The following CD99L2 variants were observed in gnomAD, a reference collection of about 807,000 sequenced individuals.
CD99L2 encodes the protein CD99 molecule like 2, also known as CD99 antigen-like protein 2.
CD99L2 carries 24 observed loss-of-function variants against 27.3 expected under a neutral mutation model. The ratio of observed to expected loss-of-function variants is 0.88; its 90% CI spans 0.64 to 1.24. The LOEUF (loss-of-function observed/expected upper bound fraction) is 1.24. CD99L2 is among the 50% of genes most tolerant of loss of function. The pLI is 0.00. For synonymous variants in CD99L2, 97 were observed against 87.9 expected, an observed-to-expected ratio of 1.10 and a Z score of -0.58; for missense variants, 255 against 221.6, an observed-to-expected ratio of 1.15 and a Z score of -0.96.
At chrX:150,829,640 T>G (rs981235550) in intron 2 of CD99L2, 1 of 248,413 alleles carries the variant, frequency 4.0e-6, no homozygotes, top group African/African-American at 2.9e-5. Flanking sequence ...TCTCTAAGGA[T>G]TTCAATACAC....
chrX:150,849,330 T>C (rs1370606220), intron 1 of CD99L2, among the ~76,000 whole-genome samples: 5 of 111,252 alleles, frequency 4.5e-5, no homozygotes, highest in East Asian at 2.8e-4. Context: ...GGCAGGATGA[T>C]TGCTTGAGCC....
chrX:150,795,442 T>C lies in CD99L2; in HGVS notation c.322A>G (p.Thr108Ala), dbSNP rs184892069. 1.3e-4 allele frequency: 162 copies of C among 1,209,593 alleles called. 1 individual carries two copies. In the Admixed American group the frequency reaches 3.2e-3, roughly 24 times the overall value. The change falls in exon 5 of 11, where the codon ACC (threonine) becomes GCC (alanine). Residue 108 changes from threonine to alanine, a missense_variant. Physicochemically the swap from Thr to Ala is moderately conservative, Grantham distance 58. Transcript: ENST00000370377. ...VTTTTKRPVT[T>A]RAPANTLGND... is the part of the protein sequence containing the mutation. The stretch of plus-strand genomic sequence containing the variant: ...CCTAAAGTATTTGCTGGAGCTCTGG[T>C]GGTTACTGGCCTCTTGGTCGTGGTG...
intron 1 of CD99L2, among the ~76,000 whole-genome samples, chrX:150,838,753 C>T (rs191618618): frequency 1.8e-3 from 192 of 107,663 alleles, no homozygotes; most frequent in African/African-American, 5.8e-3. Context: ...TGGGGTCTCA[C>T]TATGTTGCCT....
chrX:150,807,967 T>A (rs1242953496), intron 4 of CD99L2, among the ~76,000 whole-genome samples: 2 of 112,639 alleles, frequency 1.8e-5, no homozygotes, highest in Non-Finnish European at 3.8e-5. Context: ...AAACATCATT[T>A]AAAATGTACC....
intron 1 of CD99L2, among the ~76,000 whole-genome samples, chrX:150,898,133 C>T (rs1321888252): frequency 2.9e-5 from 3 of 104,054 alleles, no homozygotes. Flanking sequence ...GGAAGTTCCC[C>T]AGGTGCTTCT....
At chrX:150,824,512 G>GAAGAAA (rs2046326100) in intron 2 of CD99L2, among the ~76,000 whole-genome samples, 1 of 81,096 alleles carries the variant, frequency 1.2e-5, no homozygotes, top group African/African-American at 4.7e-5. Flanking sequence ...AGAAGAAGAA[G>GAAGAAA]GAAGGAAGAA....
intron 4 of CD99L2, among the ~76,000 whole-genome samples, chrX:150,811,373 T>C (rs1007243806): frequency 9.0e-6 from 1 of 111,304 alleles, no homozygotes; most frequent in Admixed American, 9.6e-5. Flanking sequence ...AAAAAGGAAA[T>C]AGAAAATCTG....
At chrX:150,796,990 C>T (rs1163298503) in intron 4 of CD99L2, among the ~76,000 whole-genome samples, 2 of 111,336 alleles carry the variant, frequency 1.8e-5, no homozygotes, top group Non-Finnish European at 3.8e-5. Flanking sequence ...TATGTGGGAT[C>T]TAAAGCAGTG....
At chrX:150,852,720 T>C (rs1186815048) in intron 1 of CD99L2, among the ~76,000 whole-genome samples, 2 of 110,931 alleles carry the variant, frequency 1.8e-5, no homozygotes, top group African/African-American at 6.6e-5. Flanking sequence ...GTACATGCTC[T>C]TTCATGACTG....
At chrX:150,770,242 T>A (rs1313702359) in intron 10 of CD99L2, 62 bp downstream of exon 10, 12 of 1,036,664 alleles carry the variant, frequency 1.2e-5, no homozygotes, top group Non-Finnish European at 1.6e-5. Flanking sequence ...AGCACAGTTC[T>A]GCTCAGTGCT....
chrX:150,879,413 T>C (rs782584866), intron 1 of CD99L2, among the ~76,000 whole-genome samples: 39 of 111,269 alleles, frequency 3.5e-4, no homozygotes, highest in African/African-American at 1.3e-3. Flanking sequence ...ATTTGACCAA[T>C]AAGGTCCCTG....
chrX:150,769,978 T>A (rs1165380828), intron 10 of CD99L2, among the ~76,000 whole-genome samples: 2 of 113,060 alleles, frequency 1.8e-5, no homozygotes, highest in African/African-American at 3.2e-5. Flanking sequence ...AGCTTCCCCA[T>A]GGCTCTGTTC....
chrX:150,847,632 G>C lies in CD99L2; in HGVS notation c.68-16339C>G, dbSNP rs1413330149. ...TTGCTCCCTCTCAAATCACTCCTCAGTATCTCACAGCCAGCTCCCACTCAG... is the reference window on the plus strand; with the variant it reads ...TTGCTCCCTCTCAAATCACTCCTCACTATCTCACAGCCAGCTCCCACTCAG... On this transcript the variant is annotated intron_variant, in intron 1 of 10. Transcript: ENST00000370377. Among the ~76,000 whole-genome samples the C allele has an allele frequency of 1.1e-4, 12 of 109,580 alleles. 1 individual carries two copies. Among genetic ancestry groups the C allele is most frequent in the Non-Finnish European group, 1.9e-4 (10 of 52,739 alleles).
intron 7 of CD99L2, among the ~76,000 whole-genome samples, chrX:150,792,456 G>A (rs1440413752): frequency 8.9e-6 from 1 of 112,065 alleles, no homozygotes; most frequent in Admixed American, 9.5e-5. Flanking sequence ...TCATTTAGAG[G>A]CTTTTTGTGC....
intron 2 of CD99L2, among the ~76,000 whole-genome samples, chrX:150,830,850 C>A (rs1328103294): frequency 9.0e-6 from 1 of 110,545 alleles, no homozygotes. Flanking sequence ...GCTTCATCAC[C>A]CAGGCTGGAG....
At chrX:150,891,652 C>T (rs1264315336) in intron 1 of CD99L2, among the ~76,000 whole-genome samples, 1 of 112,095 alleles carries the variant, frequency 8.9e-6, no homozygotes, top group Non-Finnish European at 1.9e-5. Context: ...GAGATCAGGA[C>T]GTGGATGTCT....
chrX:150,887,530 G>A (rs1049092498), intron 1 of CD99L2, among the ~76,000 whole-genome samples: 6 of 110,309 alleles, frequency 5.4e-5, no homozygotes, highest in African/African-American at 2.0e-4. Context: ...CTTCTTCCAG[G>A]TGAAGAAGGG....
chrX:150,787,978 T>C (rs1464795422), intron 7 of CD99L2, among the ~76,000 whole-genome samples: 2 of 101,842 alleles, frequency 2.0e-5, no homozygotes, highest in Non-Finnish European at 4.0e-5. Context: ...GAAGATCAGA[T>C]GGCTGCAGGT....
intron 1 of CD99L2, among the ~76,000 whole-genome samples, chrX:150,878,384 A>G (rs1557422387): frequency 9.1e-6 from 1 of 110,097 alleles, no homozygotes; most frequent in East Asian, 2.8e-4. Flanking sequence ...AAAATGTCCC[A>G]TTCACAACAG....
Sources: gnomAD v4.1 joint callset for allele counts (sites outside exome capture counted in the v4.1 genomes callset) on GRCh38, gnomAD v4.1.1 for gene constraint, MANE v1.5 for transcripts, NCBI Gene and HGNC (gene_info 2026-07-23, HGNC 2026-07-21) for gene names.